The following PIAS1 variants were observed in gnomAD, a reference collection of about 807,000 sequenced individuals.
PIAS1 encodes the protein protein inhibitor of activated STAT 1, also known as E3 SUMO-protein ligase PIAS1.
Under a neutral mutation model 71.3 loss-of-function variants are expected in PIAS1, and 6 were observed. The ratio of observed to expected loss-of-function variants is 0.08; its 90% confidence interval spans 0.05 to 0.17. The LOEUF (loss-of-function observed/expected upper bound fraction) is 0.17, where lower values mean the gene tolerates loss of function less well. Ranked by LOEUF, PIAS1 falls within the 10% of genes least tolerant of loss-of-function variation. PIAS1 has a pLI of 1.00. For missense variants in PIAS1, 555 were observed against 793.6 expected (o/e 0.70, Z 3.61); for synonymous variants, 303 against 292.9 (o/e 1.03, Z -0.35).
At chr15:68,172,216 A>G (rs1274584654) in intron 8 of PIAS1, among the ~76,000 whole-genome samples, 2 of 152,188 alleles carry the variant, frequency 1.3e-5, no homozygotes, top group African/African-American at 2.4e-5. Flanking sequence ...TTCCAGCTTC[A>G]TCCATGTCCC....
intron 2 of PIAS1, among the ~76,000 whole-genome samples, chr15:68,118,250 G>A (rs1056869255): frequency 1.3e-5 from 2 of 152,054 alleles, no homozygotes; most frequent in Admixed American, 6.5e-5. Flanking sequence ...GAACCTGGGA[G>A]GTGAAAGTTG....
intron 6 of PIAS1, among the ~76,000 whole-genome samples, chr15:68,149,625 A>G (rs2092832134): frequency 6.6e-6 from 1 of 152,052 alleles, no homozygotes; most frequent in Non-Finnish European, 1.5e-5. Context: ...GCTATTATAA[A>G]AAGAGATCTT....
intron 2 of PIAS1, among the ~76,000 whole-genome samples, chr15:68,135,226 C>T: frequency 2.6e-5 from 1 of 38,980 alleles, no homozygotes; most frequent in Non-Finnish European, 1.0e-4. Context: ...GAAGGGGTGG[C>T]TGGCCGGGCG....
At chr15:68,074,340 A>G (rs2092133946) in intron 1 of PIAS1, among the ~76,000 whole-genome samples, 1 of 151,862 alleles carries the variant, frequency 6.6e-6, no homozygotes, top group African/African-American at 2.4e-5. Context: ...AATTTAAAAA[A>G]ATTTTATTTT....
At chr15:68,145,971 CTGT>C in intron 5 of PIAS1, 65 bp downstream of exon 5, 1 of 935,454 alleles carries the variant, frequency 1.1e-6, no homozygotes, top group Non-Finnish European at 1.8e-6. Context: ...GTCATCACAA[CTGT>C]TGTTAAATCA....
chr15:68,063,451 T>A (rs1274243469), intron 1 of PIAS1, among the ~76,000 whole-genome samples: 1 of 152,210 alleles, frequency 6.6e-6, no homozygotes, highest in Non-Finnish European at 1.5e-5. Context: ...GGCACAGAAC[T>A]GGCTCAGAAA....
In PIAS1 at chr15:68,175,623, T is replaced by G; in HGVS notation, c.1170-14T>G. On this transcript the variant is annotated splice_polypyrimidine_tract_variant and intron_variant, in intron 9 of 13. Coordinates refer to ENST00000249636, the MANE Select transcript of PIAS1 (RefSeq NM_016166.3). ...ATTTAAAATATATTCTAAGGATGAA[T>G]TGTTTTCTTATAGCTTGTTTATGGA... is the stretch of plus-strand genomic sequence containing the variant. The G allele has an allele frequency of 7.2e-7, 1 of 1,386,266 alleles. No homozygotes were observed. Among genetic ancestry groups the G allele is most frequent in the Non-Finnish European group, 9.7e-7 (1 of 1,029,456 alleles). The allele number at this position is 1,386,266 out of a possible 1,614,324, so 85.9% of individuals were successfully genotyped here.
intron 2 of PIAS1, among the ~76,000 whole-genome samples, chr15:68,112,256 C>G (rs1046827818): frequency 1.3e-5 from 2 of 152,154 alleles, no homozygotes; most frequent in Non-Finnish European, 2.9e-5. Flanking sequence ...GTAATTCTTT[C>G]TCTGCTACAT....
At chr15:68,132,565 G>A (rs2092695704) in intron 2 of PIAS1, among the ~76,000 whole-genome samples, 1 of 152,066 alleles carries the variant, frequency 6.6e-6, no homozygotes, top group South Asian at 2.1e-4. Context: ...TCTTGTAAAA[G>A]TTCTGGCCTA....
rs574609620 is a variant in PIAS1 at position 68,065,844 on chromosome 15, G to A, written c.24+11494G>A. On this transcript the variant is annotated intron_variant, in intron 1 of 13. Coordinates refer to ENST00000249636, the MANE Select transcript of PIAS1 (RefSeq NM_016166.3). ...CAGCTTCGAACTCCTGGGCTCAAATGATCCTTCCACCTCAGCCTCCTGAGT... is the reference window on the plus strand; with the variant it reads ...CAGCTTCGAACTCCTGGGCTCAAATAATCCTTCCACCTCAGCCTCCTGAGT... Among the ~76,000 whole-genome samples, 15 of 128,326 alleles carry A rather than the reference G, an allele frequency of 1.2e-4. No individual in the cohort carries two copies. In the South Asian group the frequency reaches 4.0e-3, roughly 34 times the overall value. The allele number at this position is 128,326 out of a possible 152,430, so 84.2% of individuals were successfully genotyped here.
chr15:68,114,748 A>G (rs542172213), intron 2 of PIAS1, among the ~76,000 whole-genome samples: 9 of 151,590 alleles, frequency 5.9e-5, no homozygotes, highest in South Asian at 2.1e-4. Flanking sequence ...TTTACTTCCA[A>G]TGTTTTGAGT....
At chr15:68,149,689 A>C (rs2092832511) in intron 6 of PIAS1, among the ~76,000 whole-genome samples, 1 of 151,948 alleles carries the variant, frequency 6.6e-6, no homozygotes, top group Non-Finnish European at 1.5e-5. Context: ...AAAACTAGTT[A>C]TTTTTAATAT....
chr15:68,114,366 T>A (rs927281116), intron 2 of PIAS1, among the ~76,000 whole-genome samples: 1 of 152,084 alleles, frequency 6.6e-6, no homozygotes, highest in Non-Finnish European at 1.5e-5. Context: ...TGTTAATGAT[T>A]TAGTATATGA....
intron 7 of PIAS1, among the ~76,000 whole-genome samples, chr15:68,161,350 A>G (rs941797798): frequency 2.6e-5 from 4 of 152,202 alleles, no homozygotes; most frequent in African/African-American, 4.8e-5. Context: ...GAAAGATTCT[A>G]TTGTTGTATG....
At chr15:68,121,713 C>G (rs2092614861) in intron 2 of PIAS1, among the ~76,000 whole-genome samples, 1 of 152,112 alleles carries the variant, frequency 6.6e-6, no homozygotes, top group African/African-American at 2.4e-5. Context: ...AATTGTTTAT[C>G]TCTACCCAGA....
intron 1 of PIAS1, among the ~76,000 whole-genome samples, chr15:68,065,169 C>T (rs186316524): frequency 7.9e-4 from 120 of 152,098 alleles, no homozygotes; most frequent in African/African-American, 2.8e-3. Context: ...TTTCAAGAGT[C>T]CCAAGAGCAA....
intron 1 of PIAS1, among the ~76,000 whole-genome samples, chr15:68,068,088 A>G (rs1029693228): frequency 6.6e-6 from 1 of 152,196 alleles, no homozygotes; most frequent in Non-Finnish European, 1.5e-5. Flanking sequence ...GAAAATATGT[A>G]TAGGGTGAAC....
At chr15:68,064,265 T>G (rs954954881) in intron 1 of PIAS1, among the ~76,000 whole-genome samples, 2 of 152,208 alleles carry the variant, frequency 1.3e-5, no homozygotes, top group Non-Finnish European at 2.9e-5. Context: ...TGATAAAATT[T>G]AAGCTTTCAA....
intron 1 of PIAS1, chr15:68,055,299 A>G: frequency 1.3e-6 from 1 of 751,946 alleles, no homozygotes; most frequent in Non-Finnish European, 1.6e-6. Context: ...GGCCATGTTG[A>G]TTTGAACGAA....
Sources: allele counts gnomAD v4.1 joint callset (sites outside exome capture counted in the v4.1 genomes callset), GRCh38; gene constraint gnomAD v4.1.1; transcripts MANE v1.5; gene names NCBI Gene and HGNC (gene_info 2026-07-23, HGNC 2026-07-21).